The following AGPAT5 variants were observed in gnomAD, a reference collection of about 807,000 sequenced individuals.
AGPAT5 encodes 1-acylglycerol-3-phosphate O-acyltransferase 5.
A neutral mutation model predicts 45.6 loss-of-function variants in AGPAT5; 46 were observed. The observed-to-expected ratio is 1.01, with a 90% CI of 0.80 to 1.29. The LOEUF is 1.29. Among genes scored for constraint, AGPAT5 ranks in the 50% most tolerant of loss-of-function variants. The pLI is 0.00. For missense variants in AGPAT5, 673 were observed against 450.7 expected (o/e 1.49, Z -4.47); for synonymous variants, 272 against 167.0 (o/e 1.63, Z -4.85).
At chr8:6,732,796 C>CT (rs1195296292) in intron 4 of AGPAT5, 146 bp downstream of exon 4, 15 of 736,928 alleles carry the variant, frequency 2.0e-5, no homozygotes, top group Non-Finnish European at 3.2e-5. Context: ...CAGAAACCCT[C>CT]TATGTACAGG....
chr8:6,756,843 T>G (rs969935386), intron 7 of AGPAT5, among the ~76,000 whole-genome samples: 7 of 152,112 alleles, frequency 4.6e-5, no homozygotes, highest in Non-Finnish European at 1.0e-4. Context: ...CTGCAGCGGG[T>G]TATTAGCCAT....
intron 6 of AGPAT5, among the ~76,000 whole-genome samples, chr8:6,750,141 A>G: frequency 6.6e-6 from 1 of 152,304 alleles, no homozygotes; most frequent in Non-Finnish European, 1.5e-5. Context: ...TTCCCAGCAT[A>G]GCACTGTGCC....
intron 1 of AGPAT5, among the ~76,000 whole-genome samples, chr8:6,717,933 G>T (rs1289911025): frequency 8.5e-5 from 13 of 152,114 alleles, no homozygotes; most frequent in African/African-American, 2.9e-4. Context: ...AAAGATTTTG[G>T]GATCTTGCAG....
At chr8:6,709,150 G>A (rs114456772) in intron 1 of AGPAT5, 240 of 554,494 alleles carry the variant, frequency 4.3e-4, no homozygotes, top group African/African-American at 4.3e-3. Flanking sequence ...TGGGTCTGAT[G>A]CTGCTTAGCA....
intron 3 of AGPAT5, among the ~76,000 whole-genome samples, chr8:6,732,072 ATTAGGGCT>A (rs1800883451): frequency 6.6e-6 from 1 of 152,196 alleles, no homozygotes; most frequent in African/African-American, 2.4e-5. Context: ...AGTGGGAACT[ATTAGGGCT>A]TTAGTAGACT....
intron 2 of AGPAT5, among the ~76,000 whole-genome samples, chr8:6,726,564 G>C (rs1198361732): frequency 6.6e-6 from 1 of 152,096 alleles, no homozygotes; most frequent in East Asian, 1.9e-4. Flanking sequence ...GTTAATTTGT[G>C]TGCTTACTAC....
At chr8:6,742,372 A>G (rs1801270527) in intron 5 of AGPAT5, among the ~76,000 whole-genome samples, 1 of 152,244 alleles carries the variant, frequency 6.6e-6, no homozygotes, top group South Asian at 2.1e-4. Context: ...TAATTGGTAC[A>G]CCAATAAGCT....
intron 1 of AGPAT5, among the ~76,000 whole-genome samples, chr8:6,715,067 C>A (rs1587000988): frequency 6.6e-6 from 1 of 152,148 alleles, no homozygotes; most frequent in African/African-American, 2.4e-5. Flanking sequence ...CTGCAATATT[C>A]CCGTGTGTAC....
In AGPAT5 at chr8:6,724,955, G is replaced by T. The variant is rs936621489; in HGVS notation, c.289+16G>T. On this transcript the variant is annotated intron_variant, in intron 2 of 7. Transcript: ENST00000285518. ...CAAAGCACAGGTTTGTATTTCATTT[G>T]CATGAAACATAGGTTTTTCTACAGA... The T allele has an allele frequency of 1.9e-5, 20 of 1,080,250 alleles. No homozygotes were observed. Among genetic ancestry groups the T allele is most frequent in the South Asian group, 3.0e-5 (1 of 33,002 alleles). The allele number at this position is 1,080,250 out of a possible 1,614,324, so 66.9% of individuals were successfully genotyped here.
chr8:6,725,230 T>C (rs572827920), intron 2 of AGPAT5, among the ~76,000 whole-genome samples: 1 of 152,338 alleles, frequency 6.6e-6, no homozygotes, highest in Admixed American at 6.5e-5. Context: ...GTATTCATTC[T>C]TTTTGTAAGT....
intron 2 of AGPAT5, among the ~76,000 whole-genome samples, chr8:6,729,020 A>G (rs963371684): frequency 5.9e-5 from 9 of 152,202 alleles, no homozygotes; most frequent in Non-Finnish European, 1.0e-4. Flanking sequence ...CTTTGCAAGC[A>G]ACATTCTACT....
At chr8:6,726,674 G>C (rs1053154967) in intron 2 of AGPAT5, among the ~76,000 whole-genome samples, 2 of 152,134 alleles carry the variant, frequency 1.3e-5, no homozygotes, top group African/African-American at 4.8e-5. Flanking sequence ...TTTGGGACTA[G>C]AAGGTACTAT....
intron 6 of AGPAT5, among the ~76,000 whole-genome samples, chr8:6,754,084 T>A (rs1333552452): frequency 6.6e-6 from 1 of 152,196 alleles, no homozygotes; most frequent in Non-Finnish European, 1.5e-5. Context: ...CCTCCCTACC[T>A]TAGTCAGCTC....
intron 1 of AGPAT5, among the ~76,000 whole-genome samples, chr8:6,721,738 T>C (rs1456494188): frequency 1.3e-5 from 2 of 152,192 alleles, no homozygotes; most frequent in Non-Finnish European, 2.9e-5. Flanking sequence ...CCTTTACCCT[T>C]GTAGGGTAGC....
intron 2 of AGPAT5, among the ~76,000 whole-genome samples, chr8:6,725,177 ACTTG>A (rs1800644102): frequency 6.6e-6 from 1 of 152,064 alleles, no homozygotes; most frequent in Non-Finnish European, 1.5e-5. Flanking sequence ...CTATCTTCTT[ACTTG>A]CTTGCTTTGT....
chr8:6,749,868 G>T (rs1176336141), intron 6 of AGPAT5, among the ~76,000 whole-genome samples: 2 of 152,214 alleles, frequency 1.3e-5, no homozygotes, highest in Non-Finnish European at 2.9e-5. Context: ...GTTCAGCAGA[G>T]CTCATGGGTA....
chr8:6,752,721 C>A (rs1801697984), intron 6 of AGPAT5, among the ~76,000 whole-genome samples: 1 of 152,124 alleles, frequency 6.6e-6, no homozygotes, highest in African/African-American at 2.4e-5. Flanking sequence ...TTCCTAGATT[C>A]CCTAAGGTGC....
chr8:6,735,848 CCTT>C lies in AGPAT5; in HGVS notation c.495+3199_495+3201del, dbSNP rs1406053461. 1.7e-4 allele frequency among the ~76,000 whole-genome samples: 9 copies of C among 53,630 alleles called. 2 individuals are homozygous for C. The highest frequency in any genetic ancestry group is 3.1e-4 in the Non-Finnish European group (8 of 25,734). 35.2% of individuals were successfully genotyped at this position (53,630 alleles called of 152,430 possible). A position where few individuals can be genotyped will look rare whatever the true frequency, so the allele number is the denominator to read the frequency against. On this transcript the variant is annotated intron_variant, in intron 4 of 7. Transcript: ENST00000285518. The stretch of plus-strand genomic sequence containing the variant: ...GTGTTCCTGTTTATTCTTTATATAG[CCTT>C]TTTTTTTTTTTTTTTTTTTTTGAGT...
At chr8:6,745,804 T>G (rs942158330) in intron 5 of AGPAT5, 1 of 152,158 alleles carries the variant, frequency 6.6e-6, no homozygotes, top group African/African-American at 2.4e-5. Flanking sequence ...CTGCCATTAC[T>G]TCAGTTATCC....
Sources: gnomAD v4.1 joint callset for allele counts (sites outside exome capture counted in the v4.1 genomes callset) on GRCh38, gnomAD v4.1.1 for gene constraint, MANE v1.5 for transcripts, NCBI Gene and HGNC (gene_info 2026-07-23, HGNC 2026-07-21) for gene names.